Variants in NEB observed in about 807,000 individuals in gnomAD.
NEB encodes the protein nebulin.
A neutral mutation model predicts 952.2 loss-of-function variants in NEB; 512 were observed. The observed-to-expected ratio is 0.54, with a 90% confidence interval of 0.50 to 0.58. The LOEUF is 0.58. NEB is among the 20% of genes least tolerant of loss of function. NEB has a pLI of 0.00. For synonymous variants in NEB, 2,900 were observed against 3,149.8 expected (o/e 0.92, Z 2.66); for missense variants, 8,428 against 9,231.1 (o/e 0.91, Z 3.56).
chr2:151,535,689 A>C lies in NEB; in HGVS notation c.21312+2T>G. 6.3e-7 allele frequency: 1 copy of C among 1,585,656 alleles called. No individual in the cohort carries two copies. Among genetic ancestry groups the C allele is most frequent in the Non-Finnish European group, 8.6e-7 (1 of 1,158,294 alleles). On this transcript the variant is annotated splice_donor_variant, in intron 142 of 181. Coordinates refer to ENST00000397345, the MANE Select transcript of NEB (RefSeq NM_001164508.2). LOFTEE classifies it high-confidence loss of function. ...TAATTGGAGCAGTTTATTCATACAT[A>C]CCTCATTCATCAATTGAGTTGCATA...
chr2:151,540,478 A>G (rs2093892832), intron 137 of NEB, 30 bp from the exon 138 acceptor site: 2 of 1,494,090 alleles, frequency 1.3e-6, no homozygotes, highest in Non-Finnish European at 1.8e-6. Context: ...GAGAGAGACA[A>G]GCTTAAGTGT....
In NEB at chr2:151,507,133, T is replaced by G. The variant is rs2069731952; in HGVS notation, c.23452-120A>C. The G allele has an allele frequency of 1.4e-5, 9 of 643,182 alleles. No homozygotes were observed. The East Asian group carries it at 2.5e-4, about 18-fold the overall frequency. 39.8% of individuals were successfully genotyped at this position (643,182 alleles called of 1,614,324 possible). A position where few individuals can be genotyped will look rare whatever the true frequency, so the allele number is the denominator to read the frequency against. On this transcript the variant is annotated intron_variant, in intron 162 of 181. Coordinates refer to ENST00000397345, the MANE Select transcript of NEB (RefSeq NM_001164508.2). ...TCTTTAAAAAAAAGTCTATGCACAA[T>G]AATTATGGTCTGGTAGCCCAAGGGA... is the stretch of plus-strand genomic sequence containing the variant.
In NEB at chr2:151,567,210, G is replaced by T. The variant is rs753494666; in HGVS notation, c.18114C>A (p.Asn6038Lys). ...AGGCCTTTCTTGCCTGAATAACATCGTTCTGGTCAGGATGACACATCCATT... is the reference window on the plus strand; with the variant it reads ...AGGCCTTTCTTGCCTGAATAACATCTTTCTGGTCAGGATGACACATCCATT... Reference protein sequence around the residue: ...LHQWMCHPDQNDVIQARKAYD... With the variant: ...LHQWMCHPDQKDVIQARKAYD... Residue 6038 changes from asparagine (N) to lysine (K), a missense_variant, in exon 114 of 182, where the codon AAC (asparagine) becomes AAA (lysine). Transcript: ENST00000397345. 1.2e-6 allele frequency: 2 copies of T among 1,612,828 alleles called. No homozygotes were observed. The highest frequency in any genetic ancestry group is 1.7e-5 in the Admixed American group (1 of 59,986).
chr2:151,609,468 T>C (rs1306724736), intron 81 of NEB, among the ~76,000 whole-genome samples: 2 of 152,202 alleles, frequency 1.3e-5, no homozygotes, highest in Admixed American at 6.5e-5. Flanking sequence ...AAAAATTTTA[T>C]AGTTGAAAAT....
At chr2:151,546,565 T>TA in intron 133 of NEB, 122 bp from the exon 134 acceptor site, 1 of 610,530 alleles carries the variant, frequency 1.6e-6, no homozygotes, top group Non-Finnish European at 2.8e-6. Context: ...TACTTTTTTT[T>TA]TTTTTTTTTT....
intron 55 of NEB, among the ~76,000 whole-genome samples, chr2:151,645,160 A>T (rs1478840536): frequency 6.6e-6 from 1 of 152,264 alleles, no homozygotes; most frequent in East Asian, 1.9e-4. Flanking sequence ...AGAATCAGGC[A>T]GAAGTAAAAC....
intron 168 of NEB, among the ~76,000 whole-genome samples, chr2:151,500,135 A>C (rs950243109): frequency 1.3e-5 from 2 of 151,986 alleles, no homozygotes; most frequent in Non-Finnish European, 2.9e-5. Flanking sequence ...ACATTCCAAA[A>C]GACATATTAA....
intron 10 of NEB, among the ~76,000 whole-genome samples, 178 bp downstream of exon 10, chr2:151,717,238 C>T (rs545244457): frequency 6.6e-6 from 1 of 152,352 alleles, no homozygotes; most frequent in East Asian, 1.9e-4. Context: ...TTTATTAACA[C>T]AGTTCTTGAC....
rs1276607166 is a variant in NEB at position 151,519,658 on chromosome 2, C to T, written c.22590G>A (p.Glu7530=). 1 of 1,598,706 alleles carries T rather than the reference C, an allele frequency of 6.3e-7. No individual in the cohort carries two copies. The change falls in exon 154 of 182, where the codon GAG becomes GAA. Residue 7530 remains glutamate (E), a splice_region_variant and synonymous_variant. Coordinates refer to ENST00000397345, the MANE Select transcript of NEB (RefSeq NM_001164508.2). ...TTTTACCACAATTTTAGAAACATAC[C>T]TCACTTGCAAGATTATTAGCATCTT... The part of the protein sequence containing the change: ...VMKDANNLAS[E]VKYKADLKKL...
At chr2:151,621,321 A>C (rs1340168422) in intron 71 of NEB, among the ~76,000 whole-genome samples, 1 of 152,220 alleles carries the variant, frequency 6.6e-6, no homozygotes, top group African/African-American at 2.4e-5. Flanking sequence ...TGCCCTTTTC[A>C]TGAAACAATC....
chr2:151,519,704 C>T lies in NEB; in HGVS notation c.22544G>A (p.Ser7515Asn). The T allele has an allele frequency of 6.2e-7, 1 of 1,613,242 alleles. No homozygotes were observed. Among genetic ancestry groups the T allele is most frequent in the Non-Finnish European group, 8.5e-7 (1 of 1,179,418 alleles). ...GKTPKYNPKDSQLYKVMKDAN... is the reference protein window; with the variant it reads ...GKTPKYNPKDNQLYKVMKDAN... ...ATCTTTCATGACTTTGTAGAGCTGG[C>T]TGTCTTTTGGATTGTATTTTGGTGT... Residue 7515 changes from serine to asparagine, a missense_variant, in exon 154 of 182, where the codon AGC becomes AAC. Coordinates refer to ENST00000397345, the MANE Select transcript of NEB (RefSeq NM_001164508.2).
Position 151,575,393 on chromosome 2 carries a change from A to G in NEB, c.17013+302T>C, listed in dbSNP as rs539904520. 5.3e-5 allele frequency among the ~76,000 whole-genome samples: 8 copies of G among 152,252 alleles called. No homozygotes were observed. The East Asian group carries it at 1.3e-3, about 26-fold the overall frequency. On this transcript the variant is annotated intron_variant, in intron 107 of 181. Transcript: ENST00000397345. ...TTGAGTCTATCTGAGTCTATCGTTA[A>G]TTCTCTTTTCTTGTTTGTGCATCTC...
At chr2:151,573,779 A>T (rs180884188) in intron 107 of NEB, among the ~76,000 whole-genome samples, 1 of 152,266 alleles carries the variant, frequency 6.6e-6, no homozygotes, top group African/African-American at 2.4e-5. Context: ...TCTGCGATCC[A>T]TGAAAATGGT....
At position 151,690,797 on chromosome 2, in the gene NEB, G is replaced by T. The variant is rs1179881542; in HGVS notation, c.2240C>A (p.Thr747Asn). The T allele has an allele frequency of 1.9e-6, 3 of 1,594,336 alleles. No individual in the cohort carries two copies. The highest frequency in any genetic ancestry group is 1.7e-6 in the Non-Finnish European group (2 of 1,169,826). ...DHTYKVHPDKTKFTAVTDSPV... is the reference protein window; with the variant it reads ...DHTYKVHPDKNKFTAVTDSPV... ...AGAATCAGTGACTGCCGTGAATTTGGTCTTATCTGGATGAACTTTGTAGGT... is the reference window on the plus strand; with the variant it reads ...AGAATCAGTGACTGCCGTGAATTTGTTCTTATCTGGATGAACTTTGTAGGT... Residue 747 changes from threonine (T) to asparagine (N), a missense_variant, in exon 24 of 182, where the codon ACC becomes AAC. Physicochemically the swap from Thr to Asn is moderately conservative, Grantham distance 65. Coordinates refer to ENST00000397345, the MANE Select transcript of NEB (RefSeq NM_001164508.2).
At chr2:151,612,101 A>G in intron 78 of NEB, 85 bp downstream of exon 78, 1 of 1,429,668 alleles carries the variant, frequency 7.0e-7, no homozygotes, top group South Asian at 1.3e-5. Context: ...CTCCTTTCTC[A>G]GGGAATCCTT....
At position 151,639,961 on chromosome 2, in the gene NEB, T is replaced by C. The variant is rs2098827013; in HGVS notation, c.8785A>G (p.Ser2929Gly). ...EKCKRATEILSDKIYRQPPDR... is the reference protein window; with the variant it reads ...EKCKRATEILGDKIYRQPPDR... ...GGAGGCTGGCGATAGATTTTATCAC[T>C]CAAAATTTCAGTTGCCCTTTTGCAT... The change falls in exon 62 of 182, where the codon AGT becomes GGT. Residue 2929 changes from serine to glycine, a missense_variant. Transcript: ENST00000397345. 1 of 1,613,976 alleles carries C rather than the reference T, an allele frequency of 6.2e-7. No homozygotes were observed. Among genetic ancestry groups the C allele is most frequent in the Admixed American group, 1.7e-5 (1 of 60,030 alleles).
chr2:151,554,161 CTA>C, intron 125 of NEB, 136 bp from the exon 126 acceptor site: 1 of 760,886 alleles, frequency 1.3e-6, no homozygotes, highest in Non-Finnish European at 2.2e-6. Flanking sequence ...CTGACATTTT[CTA>C]TAGATTAACA....
chr2:151,540,794 T>C lies in NEB; in HGVS notation c.20690A>G (p.Tyr6897Cys), dbSNP rs1383289970. The part of the protein sequence containing the change: ...RGQKLQSQYL[Y>C]VELATKERPH... Reference sequence around the variant, plus strand: ...TCTCTCTTTGGTGGCAAGTTCAACATACAGATACTGAATAATAGAAGAAAG... The same window carrying C: ...TCTCTCTTTGGTGGCAAGTTCAACACACAGATACTGAATAATAGAAGAAAG... The change falls in exon 137 of 182, where the codon TAT becomes TGT. Residue 6897 changes from tyrosine to cysteine, a missense_variant. By Grantham distance (194) the Tyr-to-Cys change is radical. Coordinates refer to ENST00000397345, the MANE Select transcript of NEB (RefSeq NM_001164508.2). The C allele has an allele frequency of 1.2e-6, 2 of 1,611,598 alleles. No homozygotes were observed. Among genetic ancestry groups the C allele is most frequent in the Non-Finnish European group, 1.7e-6 (2 of 1,177,840 alleles).
chr2:151,702,693 G>GC (rs1302457513), intron 13 of NEB, among the ~76,000 whole-genome samples: 24 of 151,842 alleles, frequency 1.6e-4, no homozygotes, highest in Non-Finnish European at 3.4e-4. Flanking sequence ...TGCAACCCCT[G>GC]CCTTTTTTTT....
Sources: gnomAD v4.1 joint callset for allele counts (sites outside exome capture counted in the v4.1 genomes callset) on GRCh38, gnomAD v4.1.1 for gene constraint, MANE v1.5 for transcripts, NCBI Gene and HGNC (gene_info 2026-07-23, HGNC 2026-07-21) for gene names.